Variants in TSC22D2 observed in about 807,000 individuals in gnomAD.
TSC22D2 encodes the protein TSC22 domain family member 2.
A neutral mutation model predicts 50.1 loss-of-function variants in TSC22D2; 5 were observed. The observed-to-expected ratio is 0.10, with a 90% CI of 0.05 to 0.21. TSC22D2 has a LOEUF of 0.21. Among genes scored for constraint, TSC22D2 ranks in the 10% least tolerant of loss-of-function variants. The pLI is 1.00. For synonymous variants in TSC22D2, 501 were observed against 450.1 expected (o/e 1.11, Z -1.43); for missense variants, 1,003 against 1,015.5 (o/e 0.99, Z 0.17).
At chr3:150,449,132 C>T (rs1698799745) in intron 1 of TSC22D2, among the ~76,000 whole-genome samples, 1 of 152,080 alleles carries the variant, frequency 6.6e-6, no homozygotes. Context: ...TTATGTTGAT[C>T]ATTGTTTTGT....
At chr3:150,429,482 T>TAGTCA (rs1352188205) in intron 1 of TSC22D2, among the ~76,000 whole-genome samples, 3 of 152,172 alleles carry the variant, frequency 2.0e-5, no homozygotes, top group Non-Finnish European at 2.9e-5. Context: ...GTCTAGGTCA[T>TAGTCA]AGTCATAGGA....
intron 1 of TSC22D2, among the ~76,000 whole-genome samples, chr3:150,432,762 T>TCCCCC (rs1166268228): frequency 6.6e-6 from 1 of 152,192 alleles, no homozygotes; most frequent in Admixed American, 6.5e-5. Flanking sequence ...TTCAGTTGTA[T>TCCCCC]TTAAATCCGC....
intron 1 of TSC22D2, among the ~76,000 whole-genome samples, chr3:150,435,120 G>A (rs1196220187): frequency 1.3e-5 from 2 of 152,034 alleles, no homozygotes; most frequent in African/African-American, 2.4e-5. Context: ...TGGGATTACG[G>A]GCGCCCACCA....
intron 1 of TSC22D2, among the ~76,000 whole-genome samples, chr3:150,424,700 A>G (rs1340112411): frequency 6.6e-6 from 1 of 152,170 alleles, no homozygotes; most frequent in Non-Finnish European, 1.5e-5. Context: ...TGGGTTGAAA[A>G]TATTTATTTT....
chr3:150,420,915 C>G (rs1447069749), intron 1 of TSC22D2, among the ~76,000 whole-genome samples: 1 of 152,152 alleles, frequency 6.6e-6, no homozygotes, highest in African/African-American at 2.4e-5. Context: ...AACCCCATCT[C>G]TACTAAAAAT....
rs989044521 is a variant in TSC22D2, at chr3:150,410,657, C to A, written c.1307C>A (p.Ala436Asp). 1 of 1,554,104 alleles carries A rather than the reference C, an allele frequency of 6.4e-7. No homozygotes were observed. Among genetic ancestry groups the A allele is most frequent in the Admixed American group, 1.9e-5 (1 of 52,140 alleles). The change falls in exon 1 of 3, where the codon GCC (alanine) becomes GAC (aspartate). Residue 436 changes from alanine to aspartate, a missense_variant. By Grantham distance (126) the Ala-to-Asp change is moderately radical. Around this residue, in one of 6 missense-constraint regions of TSC22D2, gnomAD observed 696 missense variants for 647.8 expected, o/e 1.07. Coordinates refer to ENST00000688009, the MANE Select transcript of TSC22D2 (RefSeq NM_001303264.2). ...LMGASSQPSE[A>D]MAPRTGPAQG... ...GGCGCGTCTTCCCAGCCCAGCGAAG[C>A]CATGGCCCCCCGGACGGGACCAGCG...
chr3:150,419,742 AATGTGATGGACTATTGAGT>A (rs1719942517), intron 1 of TSC22D2, among the ~76,000 whole-genome samples: 1 of 152,152 alleles, frequency 6.6e-6, no homozygotes, highest in African/African-American at 2.4e-5. Context: ...CTTGGAAATT[AATGTGATGGACTATTGAGT>A]ATATAAAGTC....
chr3:150,428,033 C>A (rs1720248433), intron 1 of TSC22D2, among the ~76,000 whole-genome samples: 1 of 152,052 alleles, frequency 6.6e-6, no homozygotes, highest in African/African-American at 2.4e-5. Flanking sequence ...ACCAAGTTTT[C>A]CACTTTTGTA....
intron 1 of TSC22D2, among the ~76,000 whole-genome samples, chr3:150,448,476 A>T (rs376354202): frequency 2.6e-5 from 4 of 152,124 alleles, no homozygotes; most frequent in African/African-American, 9.7e-5. Flanking sequence ...ACAAGACCCC[A>T]TCTCTATAAA....
intron 2 of TSC22D2, among the ~76,000 whole-genome samples, chr3:150,458,169 TGAAAA>T (rs1485147455): frequency 1.3e-5 from 2 of 152,094 alleles, no homozygotes; most frequent in Admixed American, 6.6e-5. Flanking sequence ...TCCCAAACTT[TGAAAA>T]GAAAATTCTG....
At chr3:150,438,221 G>T in intron 1 of TSC22D2, 1 of 423,946 alleles carries the variant, frequency 2.4e-6, no homozygotes, top group East Asian at 7.1e-5. Context: ...ATTCAGCATC[G>T]GAGGAGGAAT....
At chr3:150,422,591 T>G (rs1333948495) in intron 1 of TSC22D2, among the ~76,000 whole-genome samples, 2 of 152,180 alleles carry the variant, frequency 1.3e-5, no homozygotes, top group Non-Finnish European at 2.9e-5. Context: ...TAATCAAACC[T>G]TTGCTACTTT....
chr3:150,443,788 A>G (rs1720792048), intron 1 of TSC22D2, among the ~76,000 whole-genome samples: 1 of 152,226 alleles, frequency 6.6e-6, no homozygotes, highest in African/African-American at 2.4e-5. Flanking sequence ...ATGAGGCATG[A>G]TTATACAATC....
chr3:150,419,037 T>TA (rs1719920262), intron 1 of TSC22D2, among the ~76,000 whole-genome samples: 1 of 152,044 alleles, frequency 6.6e-6, no homozygotes, highest in Non-Finnish European at 1.5e-5. Context: ...CATGTTGAGA[T>TA]ACTCTACCAA....
In TSC22D2 at chr3:150,458,551, G is replaced by C. The variant is rs1288011037; in HGVS notation, c.2186G>C (p.Gly729Ala). The C allele has an allele frequency of 6.2e-7, 1 of 1,614,050 alleles. No individual in the cohort carries two copies. The highest frequency in any genetic ancestry group is 2.2e-5 in the East Asian group (1 of 44,876). Residue 729 changes from glycine to alanine, a missense_variant, in exon 3 of 3, where the codon GGT (glycine) becomes GCT (alanine). Gly to Ala is a moderately conservative substitution (Grantham distance 60). This residue lies in a region of TSC22D2 where 54 missense variants were observed against 51.4 expected (regional missense o/e 1.05). Coordinates refer to ENST00000688009, the MANE Select transcript of TSC22D2 (RefSeq NM_001303264.2). ...CTCCCAACCCAACAGGCCAATCCTG[G>C]TAGCACTTCTCAACAGCAAGCAGTG... ...SQLPTQQANP[G>A]STSQQQAVIA...
intron 1 of TSC22D2, among the ~76,000 whole-genome samples, chr3:150,456,737 A>ATACG (rs1315665695): frequency 6.6e-6 from 1 of 152,216 alleles, no homozygotes; most frequent in Non-Finnish European, 1.5e-5. Flanking sequence ...AATTTAAGAG[A>ATACG]TACGGAGAAG....
rs1191159221 is a variant in TSC22D2 at position 150,434,151 on chromosome 3, TG to T, written c.1958+22844del. On this transcript the variant is annotated intron_variant, in intron 1 of 2. Coordinates refer to ENST00000688009, the MANE Select transcript of TSC22D2 (RefSeq NM_001303264.2). Reference sequence around the variant, plus strand: ...AGAGTCAAAAAATAGGAGGGTTTTTTGTTTTTTTTTTTTTTGGGACAGAGTC... The same window carrying T: ...AGAGTCAAAAAATAGGAGGGTTTTTTTTTTTTTTTTTTTTGGGACAGAGTC... Among the ~76,000 whole-genome samples, 231 of 118,404 alleles carry T rather than the reference TG, an allele frequency of 2.0e-3. 4 individuals carry two copies. The highest frequency in any genetic ancestry group is 0.013 in the Admixed American group (156 of 12,054). The allele number at this position is 118,404 out of a possible 152,430, so 77.7% of individuals were successfully genotyped here. A position where few individuals can be genotyped will look rare whatever the true frequency, so the allele number is the denominator to read the frequency against.
rs893466186 is a variant in TSC22D2 at position 150,408,841 on chromosome 3, G to T, written c.-510G>T. On this transcript the variant is annotated 5_prime_UTR_variant, in exon 1 of 3. Transcript: ENST00000688009. ...CTCCTTCCCTCAGTCAGAGAGCCCA[G>T]CGCTGACGCCGGCACCGGCCTGAGG... is the stretch of plus-strand genomic sequence containing the variant. 5 of 153,610 alleles carry T rather than the reference G, an allele frequency of 3.3e-5. No individual in the cohort carries two copies. Among genetic ancestry groups the T allele is most frequent in the African/African-American group, 1.2e-4 (5 of 41,474 alleles). 9.5% of individuals were successfully genotyped at this position (153,610 alleles called of 1,614,324 possible).
intron 1 of TSC22D2, among the ~76,000 whole-genome samples, chr3:150,451,459 G>T (rs1355121556): frequency 2.0e-5 from 3 of 152,172 alleles, no homozygotes; most frequent in Admixed American, 6.5e-5. Flanking sequence ...CATATTCTGA[G>T]CATGGTTTAA....
Sources: allele counts gnomAD v4.1 joint callset (sites outside exome capture counted in the v4.1 genomes callset), GRCh38; gene constraint gnomAD v4.1.1; regional missense constraint gnomAD v4.1.1; transcripts MANE v1.5; gene names NCBI Gene and HGNC (gene_info 2026-07-23, HGNC 2026-07-21).